Variants in AKR1E2 observed in about 807,000 individuals in gnomAD.
AKR1E2 encodes the protein 1,5-anhydro-D-fructose reductase.
In AKR1E2, 43 loss-of-function variants were observed where a neutral mutation model predicts 41.9. The observed-to-expected ratio is 1.03, with a 90% CI of 0.80 to 1.32. The LOEUF (loss-of-function observed/expected upper bound fraction) is 1.32, where lower values mean the gene tolerates loss of function less well. Ranked by LOEUF, AKR1E2 falls within the 40% of genes most tolerant of loss-of-function variation. The probability of loss-of-function intolerance (pLI) is 0.00; values close to 1 mark genes in which losing one functional copy is unlikely to be tolerated. For synonymous variants in AKR1E2, 121 were observed against 138.9 expected (o/e 0.87, Z 0.91); for missense variants, 423 against 396.5 (o/e 1.07, Z -0.57).
chr10:4,847,583 G>A lies in AKR1E2; in HGVS notation c.*53G>A. 1 of 1,593,466 alleles carries A rather than the reference G, an allele frequency of 6.3e-7. No homozygotes were observed. The highest frequency in any genetic ancestry group is 8.6e-7 in the Non-Finnish European group (1 of 1,163,912). The stretch of plus-strand genomic sequence containing the variant: ...CAGCCCAGATGCACAGACACTATTG[G>A]CAATGTTGACCCTCCTCTGTCATCA... On this transcript the variant is annotated 3_prime_UTR_variant, in exon 10 of 10. Coordinates refer to ENST00000298375, the MANE Select transcript of AKR1E2 (RefSeq NM_001040177.3).
At chr10:4,839,876 T>C in intron 6 of AKR1E2, 50 bp downstream of exon 6, 2 of 1,503,398 alleles carry the variant, frequency 1.3e-6, no homozygotes, top group Admixed American at 1.7e-5. Flanking sequence ...GGGAAGTAGA[T>C]GCCACCTTCT....
chr10:4,825,367 GGA>G (rs1170045745), upstream of AKR1E2, among the ~76,000 whole-genome samples: 1 of 152,070 alleles, frequency 6.6e-6, no homozygotes, highest in East Asian at 1.9e-4. Context: ...GTAAGCTCCA[GGA>G]GAGATAAGAG....
intron 9 of AKR1E2, 46 bp from the exon 10 acceptor site, chr10:4,847,439 AAAT>A (rs1197050479): frequency 1.3e-6 from 2 of 1,599,414 alleles, no homozygotes; most frequent in Non-Finnish European, 1.7e-6. Context: ...TTCTCTTAAA[AAAT>A]AATCATTCTT....
chr10:4,859,804 A>C, the AKR1E2 span, among the ~76,000 whole-genome samples: 1 of 152,334 alleles, frequency 6.6e-6, no homozygotes, highest in Non-Finnish European at 1.5e-5. Context: ...TCTGGAGAGG[A>C]GAATAGACAG....
At chr10:4,851,418 C>A (rs1834525091), downstream of AKR1E2, among the ~76,000 whole-genome samples, 1 of 152,192 alleles carries the variant, frequency 6.6e-6, no homozygotes, top group South Asian at 2.1e-4. Flanking sequence ...CCTGGCAGTC[C>A]TCACTAGGAG....
chr10:4,871,178 A>G, the AKR1E2 span, among the ~76,000 whole-genome samples: 11 of 152,042 alleles, frequency 7.2e-5, no homozygotes, highest in South Asian at 1.0e-3. Flanking sequence ...AAAACTTTCT[A>G]ATTTTTTATT....
chr10:4,860,817 G>T, the AKR1E2 span, among the ~76,000 whole-genome samples: 1 of 152,032 alleles, frequency 6.6e-6, no homozygotes, highest in Non-Finnish European at 1.5e-5. Flanking sequence ...TTGATTTAAT[G>T]CTTTTTGACC....
rs2961581 is a variant in AKR1E2 at position 4,836,012 on chromosome 10, T to C, written c.459+203T>C. 0.24 allele frequency among the ~76,000 whole-genome samples: 36,391 copies of C among 152,140 alleles called. 4,585 individuals carry two copies. The highest frequency in any genetic ancestry group is 0.37 in the Middle Eastern group (109 of 294). ...TTACCTTTGGTTTGGTATGGTGCAG[T>C]TCTCTTGACACATTTGAGGGGTAGC... On this transcript the variant is annotated intron_variant, in intron 4 of 9. Coordinates refer to ENST00000298375, the MANE Select transcript of AKR1E2 (RefSeq NM_001040177.3).
intron 3 of AKR1E2, among the ~76,000 whole-genome samples, chr10:4,834,502 A>G (rs997571778): frequency 6.6e-6 from 1 of 152,150 alleles, no homozygotes; most frequent in East Asian, 1.9e-4. Context: ...GCTGTATTAC[A>G]CTCATTGCCA....
intron 1 of AKR1E2, 31 bp from the exon 2 acceptor site, chr10:4,830,644 G>A: frequency 6.2e-7 from 1 of 1,611,432 alleles, no homozygotes; most frequent in Non-Finnish European, 8.5e-7. Flanking sequence ...CTCTGACTGT[G>A]AGAAGACACT....
intron 8 of AKR1E2, among the ~76,000 whole-genome samples, chr10:4,843,192 T>C (rs562497807): frequency 1.3e-5 from 2 of 152,354 alleles, no homozygotes; most frequent in East Asian, 3.9e-4. Context: ...GTCAGGGCCA[T>C]GGACTTGGGA....
intron 1 of AKR1E2, among the ~76,000 whole-genome samples, chr10:4,827,038 T>C (rs556744512): frequency 7.2e-6 from 1 of 139,546 alleles, no homozygotes; most frequent in Admixed American, 7.8e-5. Flanking sequence ...ATGGCGCCAC[T>C]GCACTCCAGC....
intron 4 of AKR1E2, among the ~76,000 whole-genome samples, 168 bp from the exon 5 acceptor site, chr10:4,837,291 G>A (rs1833504323): frequency 6.6e-6 from 1 of 152,232 alleles, no homozygotes; most frequent in Non-Finnish European, 1.5e-5. Context: ...GAAAAGATGG[G>A]ACTGAAATCA....
chr10:4,862,176 G>T, the AKR1E2 span, among the ~76,000 whole-genome samples: 1 of 152,142 alleles, frequency 6.6e-6, no homozygotes, highest in African/African-American at 2.4e-5. Flanking sequence ...AGCACCATTT[G>T]TTGAATAGGG....
chr10:4,862,950 A>G, the AKR1E2 span, among the ~76,000 whole-genome samples: 2 of 152,088 alleles, frequency 1.3e-5, no homozygotes, highest in African/African-American at 4.8e-5. Context: ...GGGCACCCAG[A>G]TTCATAAAGC....
At chr10:4,834,993 A>G (rs1005324503) in intron 3 of AKR1E2, among the ~76,000 whole-genome samples, 4 of 152,218 alleles carry the variant, frequency 2.6e-5, no homozygotes, top group Admixed American at 1.3e-4. Flanking sequence ...TCAGCTCATC[A>G]TGGAAAATGC....
the AKR1E2 span, among the ~76,000 whole-genome samples, chr10:4,857,099 TTGC>T: frequency 6.6e-6 from 1 of 152,188 alleles, no homozygotes; most frequent in Non-Finnish European, 1.5e-5. Context: ...CACACAATAT[TTGC>T]CTTTTTATGC....
rs1206774007 is a variant in AKR1E2, at chr10:4,830,720, G to A, written c.85G>A (p.Ala29Thr). Residue 29 changes from alanine (A) to threonine (T), a missense_variant, in exon 2 of 10, where the codon GCA (alanine) becomes ACA (threonine). Physicochemically the swap from Ala to Thr is moderately conservative, Grantham distance 58. Transcript: ENST00000298375. Reference sequence around the variant, plus strand: ...CGAGGCAGTGAAAGAGGCCATTGACGCAGGGTACCGGCACTTCGACTGTGC... The same window carrying A: ...CGAGGCAGTGAAAGAGGCCATTGACACAGGGTACCGGCACTTCGACTGTGC... ...VTEAVKEAID[A>T]GYRHFDCAYF... The A allele has an allele frequency of 5.0e-6, 8 of 1,614,090 alleles. No individual in the cohort carries two copies. Among genetic ancestry groups the A allele is most frequent in the South Asian group, 3.3e-5 (3 of 91,080 alleles).
At chr10:4,856,706 T>C in the AKR1E2 span, among the ~76,000 whole-genome samples, 2 of 152,234 alleles carry the variant, frequency 1.3e-5, no homozygotes, top group African/African-American at 4.8e-5. Flanking sequence ...TGACTTAGTG[T>C]ATGTTATTAA....
Sources: allele counts gnomAD v4.1 joint callset (sites outside exome capture counted in the v4.1 genomes callset), GRCh38; gene constraint gnomAD v4.1.1; transcripts MANE v1.5; gene names NCBI Gene and HGNC (gene_info 2026-07-23, HGNC 2026-07-21).